Variants in SOX6 observed in about 807,000 individuals in gnomAD.
The protein encoded by SOX6 is SRY-box transcription factor 6, also known as transcription factor SOX-6.
In SOX6, 11 loss-of-function variants were observed where a neutral mutation model predicts 97.8. The observed-to-expected ratio is 0.11, with a 90% confidence interval of 0.07 to 0.19. The LOEUF is 0.19. Among genes scored for constraint, SOX6 ranks in the 10% least tolerant of loss-of-function variants. The pLI is 1.00. For synonymous variants in SOX6, 360 were observed against 371.4 expected, an observed-to-expected ratio of 0.97 and a Z score of 0.35; for missense variants, 810 against 1,039.5, an observed-to-expected ratio of 0.78 and a Z score of 3.04.
At chr11:16,046,960 A>G (rs1434729996) in intron 11 of SOX6, among the ~76,000 whole-genome samples, 7 of 152,132 alleles carry the variant, frequency 4.6e-5, no homozygotes, top group Admixed American at 4.6e-4. Flanking sequence ...CACAGACTAC[A>G]GTTCCTAGAC....
At chr11:16,338,395 G>T (rs185985656) in intron 2 of SOX6, among the ~76,000 whole-genome samples, 4 of 151,846 alleles carry the variant, frequency 2.6e-5, no homozygotes, top group Non-Finnish European at 5.9e-5. Flanking sequence ...AGGTTTGCAG[G>T]TCTGCCCAGA....
intron 3 of SOX6, among the ~76,000 whole-genome samples, chr11:16,260,836 C>T (rs1467853574): frequency 6.6e-6 from 1 of 152,104 alleles, no homozygotes; most frequent in African/African-American, 2.4e-5. Context: ...TTCTGGAACC[C>T]ACTTACCTCT....
At chr11:16,068,515 A>G (rs1848146922) in intron 9 of SOX6, among the ~76,000 whole-genome samples, 1 of 152,200 alleles carries the variant, frequency 6.6e-6, no homozygotes, top group Non-Finnish European at 1.5e-5. Context: ...GATTTTATGG[A>G]AAGAAAGAAC....
intron 3 of SOX6, among the ~76,000 whole-genome samples, chr11:16,636,756 A>G (rs941546154): frequency 1.3e-5 from 2 of 152,130 alleles, no homozygotes; most frequent in African/African-American, 4.8e-5. Context: ...TGATGTTCTC[A>G]TGATAGTGAA....
intron 3 of SOX6, among the ~76,000 whole-genome samples, chr11:16,276,609 T>C (rs1287594458): frequency 6.6e-6 from 1 of 152,176 alleles, no homozygotes. Flanking sequence ...TCTTACAGAA[T>C]GTGGGCCTGC....
chr11:16,459,964 T>A lies in SOX6; in HGVS notation c.-5+16351A>T, dbSNP rs116958448. ...AACCACAAACCCACAGATCCAAGCA[T>A]CTCAAATAACCTCAATCTCAAGAAA... On this transcript the variant is annotated intron_variant, in intron 1 of 15. Transcript: ENST00000396356. 4.2e-3 allele frequency among the ~76,000 whole-genome samples: 633 copies of A among 151,634 alleles called. 2 individuals are homozygous for A. The highest frequency in any genetic ancestry group is 7.0e-3 in the Non-Finnish European group (472 of 67,870).
At chr11:16,111,271 C>T (rs531561507) in intron 7 of SOX6, among the ~76,000 whole-genome samples, 2 of 152,240 alleles carry the variant, frequency 1.3e-5, no homozygotes, top group East Asian at 1.9e-4. Context: ...GGTTACATGA[C>T]CTGTTTTTTG....
chr11:15,999,016 C>G (rs889482272), intron 13 of SOX6, among the ~76,000 whole-genome samples: 9 of 151,974 alleles, frequency 5.9e-5, no homozygotes, highest in African/African-American at 2.2e-4. Flanking sequence ...TTGGAACACA[C>G]ATATCTGATA....
chr11:16,054,407 T>C (rs1847763449), intron 10 of SOX6, among the ~76,000 whole-genome samples: 1 of 152,136 alleles, frequency 6.6e-6, no homozygotes, highest in African/African-American at 2.4e-5. Flanking sequence ...GTAAACTTCC[T>C]ATTGTCATAT....
chr11:16,593,409 C>T (rs187448273), intron 4 of SOX6, among the ~76,000 whole-genome samples: 1 of 151,882 alleles, frequency 6.6e-6, no homozygotes, highest in Admixed American at 6.6e-5. Context: ...GTAAAGACAC[C>T]AAGGCCATGG....
At chr11:16,617,041 A>C (rs1360194324) in intron 3 of SOX6, among the ~76,000 whole-genome samples, 1 of 151,920 alleles carries the variant, frequency 6.6e-6, no homozygotes, top group Non-Finnish European at 1.5e-5. Context: ...GATACATACA[A>C]GATAGAGATG....
intron 9 of SOX6, among the ~76,000 whole-genome samples, chr11:16,061,394 G>A (rs1847949557): frequency 6.6e-6 from 1 of 151,026 alleles, no homozygotes; most frequent in Non-Finnish European, 1.5e-5. Context: ...AATTGTAGAT[G>A]ACATAAACAA....
At chr11:16,733,331 T>C (rs1848365283) in intron 2 of SOX6, among the ~76,000 whole-genome samples, 1 of 152,120 alleles carries the variant, frequency 6.6e-6, no homozygotes. Flanking sequence ...CCAACCCAAA[T>C]ACCCATCAAT....
chr11:16,706,724 T>C (rs1848139618), intron 3 of SOX6, among the ~76,000 whole-genome samples: 1 of 150,642 alleles, frequency 6.6e-6, no homozygotes, highest in African/African-American at 2.4e-5. Context: ...GATTTTTGGA[T>C]TTGAGACCCT....
chr11:16,111,523 A>G (rs1263203888), intron 7 of SOX6, among the ~76,000 whole-genome samples: 1 of 152,208 alleles, frequency 6.6e-6, no homozygotes, highest in South Asian at 2.1e-4. Flanking sequence ...TAAAAGTATG[A>G]GAGAGAGCTG....
At chr11:16,636,778 T>A (rs1848796695) in intron 3 of SOX6, among the ~76,000 whole-genome samples, 1 of 152,114 alleles carries the variant, frequency 6.6e-6, no homozygotes, top group Admixed American at 6.5e-5. Flanking sequence ...TCTCACATGA[T>A]CTGATGGTTT....
chr11:16,426,805 T>G (rs1356583864), intron 1 of SOX6, among the ~76,000 whole-genome samples: 1 of 147,242 alleles, frequency 6.8e-6, no homozygotes, highest in Non-Finnish European at 1.5e-5. Flanking sequence ...TCCCAGCTAC[T>G]TGGGAGGCTG....
At chr11:16,727,096 G>A (rs1199994450) in intron 2 of SOX6, among the ~76,000 whole-genome samples, 1 of 152,040 alleles carries the variant, frequency 6.6e-6, no homozygotes, top group Non-Finnish European at 1.5e-5. Context: ...AAAAAGCATG[G>A]TGAAAAACCT....
intron 4 of SOX6, among the ~76,000 whole-genome samples, chr11:16,589,911 C>T (rs72859492): frequency 0.1 from 15,955 of 152,116 alleles, 908 homozygotes; most frequent in Non-Finnish European, 0.14. Context: ...TGTTGTGAAA[C>T]CTCTTTGAAA....
Sources: gnomAD v4.1 joint callset for allele counts (sites outside exome capture counted in the v4.1 genomes callset) on GRCh38, gnomAD v4.1.1 for gene constraint, MANE v1.5 for transcripts, NCBI Gene and HGNC (gene_info 2026-07-23, HGNC 2026-07-21) for gene names.